Variants in SRBD1 observed in about 807,000 individuals in gnomAD.
SRBD1 encodes S1 RNA-binding domain-containing protein 1.
A neutral mutation model predicts 115.3 loss-of-function variants in SRBD1; 88 were observed. The observed-to-expected ratio is 0.76, with a 90% CI of 0.64 to 0.91. The LOEUF is 0.91. Ranked by LOEUF, SRBD1 falls within the 40% of genes least tolerant of loss-of-function variation. The pLI is 0.00. For synonymous variants in SRBD1, 509 were observed against 407.7 expected (o/e 1.25, Z -2.99); for missense variants, 1,385 against 1,177.4 (o/e 1.18, Z -2.58).
In SRBD1 at chr2:45,488,352, G is replaced by T. The variant is rs187579532; in HGVS notation, c.1875-21C>A. 6.5e-4 allele frequency: 1,035 copies of T among 1,598,706 alleles called. 3 individuals carry two copies. Among genetic ancestry groups the T allele is most frequent in the Non-Finnish European group, 8.5e-4 (993 of 1,167,694 alleles). On this transcript the variant is annotated intron_variant, in intron 14 of 20. Transcript: ENST00000263736. ...CGATACTGAGAAGACAGAAAAAGGG[G>T]AATATCACTTTCCTAACTTCCTGCC...
chr2:45,575,706 ACTT>A (rs1032679000), intron 7 of SRBD1, among the ~76,000 whole-genome samples: 1 of 152,098 alleles, frequency 6.6e-6, no homozygotes, highest in Non-Finnish European at 1.5e-5. Flanking sequence ...GTACAGGTCC[ACTT>A]CTTTTTCTTT....
chr2:45,516,734 C>A (rs1226101675), intron 14 of SRBD1, among the ~76,000 whole-genome samples: 3 of 151,986 alleles, frequency 2.0e-5, no homozygotes, highest in Admixed American at 6.6e-5. Context: ...AAAAGTATTG[C>A]TTTTTAAAAA....
At chr2:45,462,256 T>A (rs1360955091) in intron 16 of SRBD1, among the ~76,000 whole-genome samples, 1 of 152,132 alleles carries the variant, frequency 6.6e-6, no homozygotes, top group Non-Finnish European at 1.5e-5. Flanking sequence ...CATAGCGCCC[T>A]CATACAGATT....
intron 17 of SRBD1, 72 bp downstream of exon 17, chr2:45,419,716 T>A: frequency 7.3e-7 from 1 of 1,375,612 alleles, no homozygotes; most frequent in South Asian, 1.2e-5. Context: ...GTTCCCTTCT[T>A]CTAGCCGAGT....
chr2:45,466,500 C>T lies in SRBD1; in HGVS notation c.2049+10493G>A, dbSNP rs13413172. ...CTTAAACATTTGTATACACTTGTCT[C>T]TCAAATGCTTACACTTCATTCAGTC... On this transcript the variant is annotated intron_variant, in intron 16 of 20. Transcript: ENST00000263736. 3.4e-3 allele frequency among the ~76,000 whole-genome samples: 524 copies of T among 152,294 alleles called. 1 individual carries two copies. The highest frequency in any genetic ancestry group is 5.9e-3 in the Non-Finnish European group (400 of 68,018).
intron 14 of SRBD1, among the ~76,000 whole-genome samples, chr2:45,537,190 A>G (rs964997207): frequency 2.0e-5 from 3 of 152,222 alleles, no homozygotes; most frequent in Non-Finnish European, 4.4e-5. Flanking sequence ...TGGATAAAGG[A>G]GGACACAAAT....
At chr2:45,498,885 C>G (rs543033245) in intron 14 of SRBD1, among the ~76,000 whole-genome samples, 1 of 152,276 alleles carries the variant, frequency 6.6e-6, no homozygotes, top group South Asian at 2.1e-4. Flanking sequence ...TTTTCTTTAT[C>G]CATTCATCAG....
chr2:45,481,792 G>A (rs1558424030), intron 15 of SRBD1, among the ~76,000 whole-genome samples: 1 of 152,082 alleles, frequency 6.6e-6, no homozygotes, highest in African/African-American at 2.4e-5. Context: ...AAGAAATGAA[G>A]TGCTGATACA....
At chr2:45,460,472 C>T (rs1039015522) in intron 16 of SRBD1, among the ~76,000 whole-genome samples, 2 of 152,172 alleles carry the variant, frequency 1.3e-5, no homozygotes, top group Admixed American at 6.5e-5. Context: ...GAAACAGGCA[C>T]ATAGCAAGCA....
intron 14 of SRBD1, among the ~76,000 whole-genome samples, chr2:45,520,584 A>T (rs1671252254): frequency 1.3e-5 from 2 of 152,188 alleles, no homozygotes; most frequent in Non-Finnish European, 2.9e-5. Context: ...CTTTTGGCCC[A>T]CCATGCCTTC....
chr2:45,500,281 G>A (rs188502893), intron 14 of SRBD1, among the ~76,000 whole-genome samples: 1 of 139,680 alleles, frequency 7.2e-6, no homozygotes, highest in Admixed American at 6.9e-5. Context: ...GCATGTCTCT[G>A]TGTGTGTGTG....
chr2:45,440,551 G>A (rs1196184184), intron 16 of SRBD1, among the ~76,000 whole-genome samples: 2 of 152,100 alleles, frequency 1.3e-5, no homozygotes, highest in African/African-American at 4.8e-5. Flanking sequence ...CATAGTTCTG[G>A]CTCATGACAT....
rs140772565 is a variant in SRBD1 at position 45,552,092 on chromosome 2, T to C, written c.1518-810A>G. Among the ~76,000 whole-genome samples the C allele has an allele frequency of 1.8e-3, 273 of 152,208 alleles. 2 individuals are homozygous for C. The highest frequency in any genetic ancestry group is 6.2e-3 in the African/African-American group (258 of 41,538). On this transcript the variant is annotated intron_variant, in intron 11 of 20. Transcript: ENST00000263736. ...GACAATGTAGAACTGATGACAGAGA[T>C]AGATGTGAAAAATGACACATGGATG...
chr2:45,392,904 A>C (rs1259324040), intron 20 of SRBD1, 41 bp downstream of exon 20: 1 of 1,541,502 alleles, frequency 6.5e-7, no homozygotes, highest in Non-Finnish European at 8.8e-7. Flanking sequence ...AATGGGAGCT[A>C]TGCAAATGCA....
At chr2:45,595,971 C>T (rs1291263276) in intron 4 of SRBD1, among the ~76,000 whole-genome samples, 3 of 151,784 alleles carry the variant, frequency 2.0e-5, no homozygotes, top group African/African-American at 7.3e-5. Flanking sequence ...AATAGGCATT[C>T]AGCTGTCAAC....
chr2:45,420,912 G>A (rs993305654), intron 16 of SRBD1, among the ~76,000 whole-genome samples: 2 of 152,070 alleles, frequency 1.3e-5, no homozygotes, highest in Non-Finnish European at 2.9e-5. Flanking sequence ...TGTGCACAAC[G>A]TGCAGGTTTG....
At position 45,599,349 on chromosome 2, in the gene SRBD1, T is replaced by C. The variant is rs768751977; in HGVS notation, c.648+100A>G. On this transcript the variant is annotated intron_variant, in intron 4 of 20. Coordinates refer to ENST00000263736, the MANE Select transcript of SRBD1 (RefSeq NM_018079.5). Reference sequence around the variant, plus strand: ...ATCACTGGCAAAACTGAAGAGAGAATTGAAAACCCCCAGCCCTTCCCTTAG... The same window carrying C: ...ATCACTGGCAAAACTGAAGAGAGAACTGAAAACCCCCAGCCCTTCCCTTAG... 80 of 1,478,098 alleles carry C rather than the reference T, an allele frequency of 5.4e-5. No homozygotes were observed. The Middle Eastern group carries it at 9.0e-4, about 17-fold the overall frequency. The allele number at this position is 1,478,098 out of a possible 1,614,324, so 91.6% of individuals were successfully genotyped here.
intron 16 of SRBD1, among the ~76,000 whole-genome samples, chr2:45,423,312 G>C (rs1421857647): frequency 6.6e-6 from 1 of 152,196 alleles, no homozygotes; most frequent in East Asian, 1.9e-4. Flanking sequence ...TTTTAGGTTA[G>C]ATATGCAAGG....
chr2:45,475,295 C>T (rs1669772357), intron 16 of SRBD1, among the ~76,000 whole-genome samples: 1 of 152,180 alleles, frequency 6.6e-6, no homozygotes, highest in African/African-American at 2.4e-5. Context: ...TGTCCAAGCA[C>T]TATTATTTCT....
Sources: allele counts gnomAD v4.1 joint callset (sites outside exome capture counted in the v4.1 genomes callset), GRCh38; gene constraint gnomAD v4.1.1; transcripts MANE v1.5; gene names NCBI Gene and HGNC (gene_info 2026-07-23, HGNC 2026-07-21).